Variants in BNC2 observed in about 807,000 individuals in gnomAD.
BNC2 encodes the protein zinc finger protein basonuclin-2.
Under a neutral mutation model 76.3 loss-of-function variants are expected in BNC2, and 20 were observed. The ratio of observed to expected loss-of-function variants is 0.26; its 90% CI spans 0.18 to 0.38. BNC2 has a LOEUF of 0.38. Among genes scored for constraint, BNC2 ranks in the 10% least tolerant of loss-of-function variants. The pLI, the probability that BNC2 is intolerant of heterozygous loss-of-function variation, is 1.00. For missense variants in BNC2, 1,382 were observed against 1,399.8 expected (o/e 0.99, Z 0.20); for synonymous variants, 582 against 514.8 (o/e 1.13, Z -1.77).
At chr9:16,710,082 T>C (rs1823792060) in intron 3 of BNC2, among the ~76,000 whole-genome samples, 2 of 151,544 alleles carry the variant, frequency 1.3e-5, no homozygotes, top group African/African-American at 2.4e-5. Context: ...TGCTGATGAA[T>C]GGAAATGAGA....
At chr9:16,644,837 T>C (rs1181398807) in intron 3 of BNC2, among the ~76,000 whole-genome samples, 1 of 152,236 alleles carries the variant, frequency 6.6e-6, no homozygotes, top group East Asian at 1.9e-4. Flanking sequence ...TCTCTTTCTC[T>C]TTCTTTTCTT....
chr9:16,480,157 TG>T (rs1822015959), intron 5 of BNC2, among the ~76,000 whole-genome samples: 1 of 152,162 alleles, frequency 6.6e-6, no homozygotes, highest in Non-Finnish European at 1.5e-5. Context: ...ATAAGAAACA[TG>T]GGGCATAAAG....
rs539928495 is a variant in BNC2 at position 16,862,658 on chromosome 9, C to T, written c.3+7988G>A. Among the ~76,000 whole-genome samples, 5 of 152,298 alleles carry T rather than the reference C, an allele frequency of 3.3e-5. No homozygotes were observed. The South Asian group carries it at 1.0e-3, about 32-fold the overall frequency. ...AGTAGCTACTGCCATGTATTCCTCTCTCTTTAATTACCACACAGCACTAAC... is the reference window on the plus strand; with the variant it reads ...AGTAGCTACTGCCATGTATTCCTCTTTCTTTAATTACCACACAGCACTAAC... On this transcript the variant is annotated intron_variant, in intron 1 of 6. Coordinates refer to ENST00000380672, the MANE Select transcript of BNC2 (RefSeq NM_017637.6).
At chr9:16,683,878 G>C (rs894489263) in intron 3 of BNC2, among the ~76,000 whole-genome samples, 1 of 152,066 alleles carries the variant, frequency 6.6e-6, no homozygotes, top group African/African-American at 2.4e-5. Context: ...ATCCTTCCAC[G>C]CAGTCCACCA....
At chr9:16,635,633 T>A (rs1289605413) in intron 3 of BNC2, among the ~76,000 whole-genome samples, 2 of 152,192 alleles carry the variant, frequency 1.3e-5, no homozygotes, top group African/African-American at 4.8e-5. Flanking sequence ...AAGATATAAT[T>A]AGAAGTCATA....
At chr9:16,779,710 T>C (rs1200864427) in intron 1 of BNC2, among the ~76,000 whole-genome samples, 4 of 152,138 alleles carry the variant, frequency 2.6e-5, no homozygotes, top group African/African-American at 7.2e-5. Flanking sequence ...CTTGAAAATA[T>C]AAAAAGAAGC....
At chr9:16,663,757 A>C (rs1456631040) in intron 3 of BNC2, among the ~76,000 whole-genome samples, 1 of 152,218 alleles carries the variant, frequency 6.6e-6, no homozygotes, top group Admixed American at 6.5e-5. Flanking sequence ...AATTTTAAAG[A>C]GTCAGGTGTG....
At chr9:16,504,177 T>C (rs995576572) in intron 5 of BNC2, among the ~76,000 whole-genome samples, 1 of 151,858 alleles carries the variant, frequency 6.6e-6, no homozygotes, top group Non-Finnish European at 1.5e-5. Flanking sequence ...TCCTACACTG[T>C]ATGTGAAAAT....
At chr9:16,482,909 T>C (rs1221515611) in intron 5 of BNC2, among the ~76,000 whole-genome samples, 1 of 152,204 alleles carries the variant, frequency 6.6e-6, no homozygotes. Flanking sequence ...CCCATCAGTC[T>C]ACTCATGTGT....
chr9:16,621,954 G>C (rs1341596529), intron 3 of BNC2, among the ~76,000 whole-genome samples: 1 of 152,012 alleles, frequency 6.6e-6, no homozygotes, highest in Non-Finnish European at 1.5e-5. Flanking sequence ...TACTTTTGTA[G>C]TGTGGCTACT....
At chr9:16,479,440 G>T (rs1217773075) in intron 5 of BNC2, among the ~76,000 whole-genome samples, 3 of 152,026 alleles carry the variant, frequency 2.0e-5, no homozygotes, top group Non-Finnish European at 4.4e-5. Context: ...GTTTCAAAAA[G>T]GTTCATTTTC....
At chr9:16,817,115 C>T (rs568103367) in intron 1 of BNC2, among the ~76,000 whole-genome samples, 1 of 152,186 alleles carries the variant, frequency 6.6e-6, no homozygotes, top group Non-Finnish European at 1.5e-5. Context: ...CACTCTGATT[C>T]CAACTTAAAA....
intron 4 of BNC2, among the ~76,000 whole-genome samples, chr9:16,567,628 G>C (rs1161429019): frequency 6.6e-6 from 1 of 152,068 alleles, no homozygotes; most frequent in African/African-American, 2.4e-5. Context: ...CTTAATGTAA[G>C]AGTATAAAAG....
intron 1 of BNC2, among the ~76,000 whole-genome samples, chr9:16,816,659 T>TAA (rs1191581612): frequency 6.6e-6 from 1 of 152,144 alleles, no homozygotes; most frequent in African/African-American, 2.4e-5. Context: ...CGGCACTTGT[T>TAA]AAAAAATTAA....
intron 1 of BNC2, among the ~76,000 whole-genome samples, chr9:16,858,538 A>T (rs1819318563): frequency 6.6e-6 from 1 of 152,214 alleles, no homozygotes; most frequent in African/African-American, 2.4e-5. Context: ...AGACAAATGG[A>T]ACTGAATCAA....
At chr9:16,841,478 G>C (rs879071668) in intron 1 of BNC2, among the ~76,000 whole-genome samples, 1 of 152,144 alleles carries the variant, frequency 6.6e-6, no homozygotes, top group East Asian at 1.9e-4. Flanking sequence ...TCCTCAAAAT[G>C]TAGATATCCT....
intron 5 of BNC2, among the ~76,000 whole-genome samples, chr9:16,438,966 G>A (rs1435736721): frequency 1.3e-5 from 2 of 152,114 alleles, no homozygotes; most frequent in Non-Finnish European, 2.9e-5. Context: ...TGTCATGGGA[G>A]GGAGCCGGTG....
chr9:16,792,214 C>T (rs1262449603), intron 1 of BNC2, among the ~76,000 whole-genome samples: 1 of 147,840 alleles, frequency 6.8e-6, no homozygotes, highest in East Asian at 2.0e-4. Flanking sequence ...ATCCTCATGA[C>T]AACCTACGTG....
chr9:16,789,340 A>C (rs1354981865), intron 1 of BNC2, among the ~76,000 whole-genome samples: 1 of 152,096 alleles, frequency 6.6e-6, no homozygotes, highest in East Asian at 1.9e-4. Flanking sequence ...CAATACAATA[A>C]AATGGGTCCA....
Sources: allele counts gnomAD v4.1 joint callset (sites outside exome capture counted in the v4.1 genomes callset), GRCh38; gene constraint gnomAD v4.1.1; transcripts MANE v1.5; gene names NCBI Gene and HGNC (gene_info 2026-07-23, HGNC 2026-07-21).